Variants in CCDC85C observed in about 807,000 individuals in gnomAD.
CCDC85C encodes the protein coiled-coil domain containing 85C.
In CCDC85C, 18 loss-of-function variants were observed where a neutral mutation model predicts 38.3. The observed-to-expected ratio is 0.47, with a 90% CI of 0.33 to 0.70. The LOEUF (loss-of-function observed/expected upper bound fraction) is 0.70. Ranked by LOEUF, CCDC85C falls within the 30% of genes least tolerant of loss-of-function variation. The probability of loss-of-function intolerance (pLI) is 0.03; values close to 1 mark genes in which losing one functional copy is unlikely to be tolerated. For synonymous variants in CCDC85C, 264 were observed against 293.8 expected (o/e 0.90, Z 1.04); for missense variants, 566 against 621.2 (o/e 0.91, Z 0.94).
chr14:99,506,952 TA>T lies in CCDC85C; in HGVS notation c.*8293del. ...AGCTGAAACCTTCTTCAAGTTCCCT[TA>T]AAGCCTTGGTCATCTCTGTTGTTTT... On this transcript the variant is annotated 3_prime_UTR_variant, in exon 6 of 6. Coordinates refer to ENST00000380243, the MANE Select transcript of CCDC85C (RefSeq NM_001144995.2). 2 of 748,488 alleles carry T rather than the reference TA, an allele frequency of 2.7e-6. No individual in the cohort carries two copies. 46.4% of individuals were successfully genotyped at this position (748,488 alleles called of 1,614,324 possible). A position where few individuals can be genotyped will look rare whatever the true frequency, so the allele number is the denominator to read the frequency against.
In CCDC85C at chr14:99,603,987, T is replaced by C; in HGVS notation, c.-28A>G. On this transcript the variant is annotated 5_prime_UTR_variant, in exon 1 of 6. Coordinates refer to ENST00000380243, the MANE Select transcript of CCDC85C (RefSeq NM_001144995.2). This position sits in a 1 kb window ranked among gnomAD's most constrained non-coding sequence, Gnocchi z 7.5. ...CGGGGCCGTCACCGCGGCATCGCCCTCGCCCTCGCCCGGCCGGCGCTTCCC... is the reference window on the plus strand; with the variant it reads ...CGGGGCCGTCACCGCGGCATCGCCCCCGCCCTCGCCCGGCCGGCGCTTCCC... 1 of 1,229,092 alleles carries C rather than the reference T, an allele frequency of 8.1e-7. No individual in the cohort carries two copies. Among genetic ancestry groups the C allele is most frequent in the Non-Finnish European group, 1.0e-6 (1 of 987,554 alleles). 76.1% of individuals were successfully genotyped at this position (1,229,092 alleles called of 1,614,324 possible). A position where few individuals can be genotyped will look rare whatever the true frequency, so the allele number is the denominator to read the frequency against.
intron 1 of CCDC85C, among the ~76,000 whole-genome samples, chr14:99,594,883 C>T (rs1049519513): frequency 2.6e-5 from 4 of 152,184 alleles, no homozygotes; most frequent in Admixed American, 1.3e-4. Flanking sequence ...GCTGACAAGG[C>T]CACTCAGGCC....
intron 1 of CCDC85C, among the ~76,000 whole-genome samples, chr14:99,561,831 C>T (rs1200313086): frequency 6.6e-6 from 1 of 152,172 alleles, no homozygotes; most frequent in Non-Finnish European, 1.5e-5. Context: ...GGTTTTGGAA[C>T]CCAGCTGTGA....
In CCDC85C at chr14:99,512,781, C is replaced by T. The variant is rs1897159358; in HGVS notation, c.*2465G>A. On this transcript the variant is annotated 3_prime_UTR_variant, in exon 6 of 6. Transcript: ENST00000380243. ...CTCCAGAAGGAAGGGGGTCGCCCTG[C>T]TAGTGACGGAGCTGGGAGTCACCCT... is the stretch of plus-strand genomic sequence containing the variant. 1 of 152,224 alleles carries T rather than the reference C, an allele frequency of 6.6e-6. No individual in the cohort carries two copies. The highest frequency in any genetic ancestry group is 6.5e-5 in the Admixed American group (1 of 15,294). 9.4% of individuals were successfully genotyped at this position (152,224 alleles called of 1,614,324 possible).
chr14:99,538,452 A>C (rs888216342), intron 1 of CCDC85C, among the ~76,000 whole-genome samples: 1 of 152,212 alleles, frequency 6.6e-6, no homozygotes, highest in African/African-American at 2.4e-5. Flanking sequence ...CCCCCATGGG[A>C]CTGTGCTCCC....
intron 2 of CCDC85C, among the ~76,000 whole-genome samples, chr14:99,525,089 G>A (rs1897358283): frequency 6.6e-6 from 1 of 152,206 alleles, no homozygotes; most frequent in Admixed American, 6.5e-5. Context: ...GACTAGGGAG[G>A]AAGAGACCCA....
At chr14:99,577,868 TGC>T (rs112065533) in intron 1 of CCDC85C, among the ~76,000 whole-genome samples, 2,205 of 145,498 alleles carry the variant, frequency 0.015, 94 homozygotes, top group African/African-American at 0.056. Flanking sequence ...TGTGTGTGTG[TGC>T]GTGTGCACAT....
At position 99,603,093 on chromosome 14, in the gene CCDC85C, C is replaced by A; in HGVS notation, c.793+74G>T. The A allele has an allele frequency of 8.6e-6, 11 of 1,276,378 alleles. No individual in the cohort carries two copies. Among genetic ancestry groups the A allele is most frequent in the Non-Finnish European group, 1.1e-5 (11 of 1,010,914 alleles). The allele number at this position is 1,276,378 out of a possible 1,614,324, so 79.1% of individuals were successfully genotyped here. A position where few individuals can be genotyped will look rare whatever the true frequency, so the allele number is the denominator to read the frequency against. ...GCATGAGTGGGACAGCCAGGGACCA[C>A]CTCCTCTCGCCGCAGCCTGGGAAAA... On this transcript the variant is annotated intron_variant, in intron 1 of 5. Coordinates refer to ENST00000380243, the MANE Select transcript of CCDC85C (RefSeq NM_001144995.2). The surrounding 1 kb of genome is among the most constrained non-coding windows in gnomAD (Gnocchi z 7.5).
intron 1 of CCDC85C, among the ~76,000 whole-genome samples, chr14:99,538,254 C>T (rs1566766030): frequency 6.6e-6 from 1 of 152,240 alleles, no homozygotes; most frequent in Non-Finnish European, 1.5e-5. Flanking sequence ...CTACCCAGGC[C>T]CACGCCACAG....
At position 99,514,966 on chromosome 14, in the gene CCDC85C, C is replaced by G; in HGVS notation, c.*280G>C. ...GCCTGCAGCCTCTTGCTCATGGAGC[C>G]CAGGGCCCAGAGGGGGAATGAGGCG... On this transcript the variant is annotated 3_prime_UTR_variant, in exon 6 of 6. Transcript: ENST00000380243. 2.9e-6 allele frequency: 1 copy of G among 344,994 alleles called. No homozygotes were observed. Among genetic ancestry groups the G allele is most frequent in the Non-Finnish European group, 5.5e-6 (1 of 182,934 alleles). 21.4% of individuals were successfully genotyped at this position (344,994 alleles called of 1,614,324 possible). A position where few individuals can be genotyped will look rare whatever the true frequency, so the allele number is the denominator to read the frequency against.
rs1424928113 is a variant in CCDC85C, at chr14:99,515,160, G to A, written c.*86C>T. On this transcript the variant is annotated 3_prime_UTR_variant, in exon 6 of 6. Transcript: ENST00000380243. ...CCACAGAGGAAGAAGACAGGGGCTGGGCTGGAGGTCCTGCCCGTGTCTGGG... is the reference window on the plus strand; with the variant it reads ...CCACAGAGGAAGAAGACAGGGGCTGAGCTGGAGGTCCTGCCCGTGTCTGGG... 1 of 938,542 alleles carries A rather than the reference G, an allele frequency of 1.1e-6. No homozygotes were observed. The highest frequency in any genetic ancestry group is 2.2e-5 in the Admixed American group (1 of 45,766). The allele number at this position is 938,542 out of a possible 1,614,324, so 58.1% of individuals were successfully genotyped here.
intron 1 of CCDC85C, among the ~76,000 whole-genome samples, chr14:99,560,789 C>T (rs1056437276): frequency 6.6e-6 from 1 of 152,224 alleles, no homozygotes; most frequent in Non-Finnish European, 1.5e-5. Flanking sequence ...ACCAAGCGAG[C>T]AGGTTTGTTC....
Position 99,594,677 on chromosome 14 carries a change from G to A in CCDC85C, c.793+8490C>T, listed in dbSNP as rs189923443. On this transcript the variant is annotated intron_variant, in intron 1 of 5. Transcript: ENST00000380243. Reference sequence around the variant, plus strand: ...GGCTCTGAGTCAAAGGGCCAGAAGAGATGAGGGTCCCTGGGACTCTCAGCT... The same window carrying A: ...GGCTCTGAGTCAAAGGGCCAGAAGAAATGAGGGTCCCTGGGACTCTCAGCT... 5.8e-4 allele frequency among the ~76,000 whole-genome samples: 88 copies of A among 152,356 alleles called. 1 individual carries two copies. The East Asian group carries it at 7.7e-3, about 13-fold the overall frequency.
At chr14:99,574,873 C>T (rs985604166) in intron 1 of CCDC85C, among the ~76,000 whole-genome samples, 1 of 152,158 alleles carries the variant, frequency 6.6e-6, no homozygotes, top group Non-Finnish European at 1.5e-5. Flanking sequence ...GGGCCAGATC[C>T]CCACCCAGGG....
In CCDC85C at chr14:99,558,588, T is replaced by G. The variant is rs940499327; in HGVS notation, c.794-22500A>C. Among the ~76,000 whole-genome samples, 2 of 152,130 alleles carry G rather than the reference T, an allele frequency of 1.3e-5. No individual in the cohort carries two copies. Among genetic ancestry groups the G allele is most frequent in the African/African-American group, 4.8e-5 (2 of 41,418 alleles). On this transcript the variant is annotated intron_variant, in intron 1 of 5. Transcript: ENST00000380243. This position sits in a 1 kb window ranked among gnomAD's most constrained non-coding sequence, Gnocchi z 4.2. Reference sequence around the variant, plus strand: ...GTGAGCCAAGATTGTGCCACTGCACTCCAGCCTGGAGATAGAGCGAGACTC... The same window carrying G: ...GTGAGCCAAGATTGTGCCACTGCACGCCAGCCTGGAGATAGAGCGAGACTC...
intron 1 of CCDC85C, among the ~76,000 whole-genome samples, chr14:99,593,197 G>A (rs981158871): frequency 9.8e-5 from 15 of 152,328 alleles, no homozygotes; most frequent in African/African-American, 2.6e-4. Flanking sequence ...GGGGAGCACC[G>A]CGCTCAAAGG....
At position 99,603,395 on chromosome 14, in the gene CCDC85C, G is replaced by A. The variant is rs1465157433; in HGVS notation, c.565C>T (p.Pro189Ser). Residue 189 changes from proline to serine, a missense_variant, in exon 1 of 6, where the codon CCG becomes TCG. Coordinates refer to ENST00000380243, the MANE Select transcript of CCDC85C (RefSeq NM_001144995.2). This position sits in a 1 kb window ranked among gnomAD's most constrained non-coding sequence, Gnocchi z 7.5. ...GCGCCGGGCGCGCCACCCGACAGCGGCCCGCTCAGGCTGGCCTGGCTGTCG... is the reference window on the plus strand; with the variant it reads ...GCGCCGGGCGCGCCACCCGACAGCGACCCGCTCAGGCTGGCCTGGCTGTCG... ...SIDSQASLSG[P>S]LSGGAPGAGA... 1.6e-6 allele frequency: 2 copies of A among 1,251,356 alleles called. No individual in the cohort carries two copies. Among genetic ancestry groups the A allele is most frequent in the East Asian group, 3.3e-5 (1 of 29,928 alleles). 77.5% of individuals were successfully genotyped at this position (1,251,356 alleles called of 1,614,324 possible).
At chr14:99,597,931 G>A (rs539676219) in intron 1 of CCDC85C, among the ~76,000 whole-genome samples, 6 of 152,228 alleles carry the variant, frequency 3.9e-5, no homozygotes, top group African/African-American at 4.8e-5. Context: ...TTCTAGGATC[G>A]AGACATTATT....
intron 1 of CCDC85C, among the ~76,000 whole-genome samples, chr14:99,552,802 G>T (rs191269772): frequency 2.2e-4 from 33 of 152,348 alleles, no homozygotes; most frequent in Admixed American, 1.3e-3. Flanking sequence ...AGGGGGCCAC[G>T]AGCTTCCGGG....
Sources: allele counts gnomAD v4.1 joint callset (sites outside exome capture counted in the v4.1 genomes callset), GRCh38; gene constraint gnomAD v4.1.1; non-coding constraint Gnocchi (gnomAD v3.1); transcripts MANE v1.5; gene names NCBI Gene and HGNC (gene_info 2026-07-23, HGNC 2026-07-21).